Variants in CNOT4 observed in about 807,000 individuals in gnomAD.
CNOT4 encodes CCR4-associated factor 4.
A neutral mutation model predicts 73.8 loss-of-function variants in CNOT4; 8 were observed. The ratio of observed to expected loss-of-function variants is 0.11; its 90% CI spans 0.06 to 0.20. The LOEUF (loss-of-function observed/expected upper bound fraction) is 0.20. Ranked by LOEUF, CNOT4 falls within the 10% of genes least tolerant of loss-of-function variation. The pLI is 1.00. For missense variants in CNOT4, 564 were observed against 883.4 expected (o/e 0.64, Z 4.58); for synonymous variants, 293 against 321.1 (o/e 0.91, Z 0.94).
At chr7:135,391,519 A>AT (rs1796400664) in intron 10 of CNOT4, among the ~76,000 whole-genome samples, 1 of 151,916 alleles carries the variant, frequency 6.6e-6, no homozygotes, top group South Asian at 2.1e-4. Context: ...TGGTGACTAC[A>AT]TTTTTAGCAT....
intron 10 of CNOT4, chr7:135,386,965 G>T: frequency 4.3e-6 from 2 of 468,336 alleles, no homozygotes; most frequent in Non-Finnish European, 5.6e-6. Context: ...GCAATGAAAG[G>T]CTAACACTGA....
intron 1 of CNOT4, among the ~76,000 whole-genome samples, chr7:135,503,664 C>T (rs888557168): frequency 2.0e-5 from 3 of 151,988 alleles, no homozygotes; most frequent in East Asian, 1.9e-4. Flanking sequence ...ATTTTCTTTA[C>T]CCAAGGAAGA....
At position 135,444,344 on chromosome 7, in the gene CNOT4, G is replaced by A. The variant is rs879095068; in HGVS notation, c.-92-5921C>T. The A allele has an allele frequency of 7.8e-6, 5 of 644,816 alleles. 1 individual carries two copies. The South Asian group carries it at 8.3e-5, about 11-fold the overall frequency. 39.9% of individuals were successfully genotyped at this position (644,816 alleles called of 1,614,324 possible). On this transcript the variant is annotated intron_variant, in intron 1 of 11. Transcript: ENST00000541284. The stretch of plus-strand genomic sequence containing the variant: ...GTTCCTAACAGTATTTTTGACAATA[G>A]CCAAAAAATGGAAAGTAATCCAAGT...
chr7:135,475,457 A>G lies in CNOT4; in HGVS notation c.-93+34432T>C, dbSNP rs1367006981. Among the ~76,000 whole-genome samples, 4 of 152,222 alleles carry G rather than the reference A, an allele frequency of 2.6e-5. No individual in the cohort carries two copies. In the East Asian group the frequency reaches 7.7e-4, roughly 29 times the overall value. On this transcript the variant is annotated intron_variant, in intron 1 of 11. Coordinates refer to ENST00000541284, the MANE Select transcript of CNOT4 (RefSeq NM_001190850.2). ...CAGTGTGCAGTGAAATGGTTAAAAA[A>G]ATTTTTAATTAAAAAAACTGAATTT...
chr7:135,478,495 G>A (rs1008981890), intron 1 of CNOT4, among the ~76,000 whole-genome samples: 2 of 152,094 alleles, frequency 1.3e-5, no homozygotes, highest in African/African-American at 2.4e-5. Context: ...TTGTGTTCAG[G>A]AGTTCAAGAC....
rs1341289987 is a variant in CNOT4 at position 135,364,669 on chromosome 7, G to A, written c.1628-603C>T. 6.6e-6 allele frequency among the ~76,000 whole-genome samples: 1 copy of A among 152,264 alleles called. No individual in the cohort carries two copies. The highest frequency in any genetic ancestry group is 1.9e-4 in the East Asian group (1 of 5,204). On this transcript the variant is annotated intron_variant, in intron 10 of 11. Transcript: ENST00000541284. The surrounding 1 kb of genome is among the most constrained non-coding windows in gnomAD (Gnocchi z 4.3). ...TTTAGTCACTAAGGCCGAGGAGGCA[G>A]GAGCTGATACCTTCTAGATGGAATA...
intron 1 of CNOT4, among the ~76,000 whole-genome samples, chr7:135,462,459 AG>A (rs939187164): frequency 6.6e-6 from 1 of 152,198 alleles, no homozygotes; most frequent in Non-Finnish European, 1.5e-5. Flanking sequence ...GGGATCCAGG[AG>A]AAAAAAAGGG....
chr7:135,485,351 T>G (rs1214553257), intron 1 of CNOT4, among the ~76,000 whole-genome samples: 1 of 152,196 alleles, frequency 6.6e-6, no homozygotes, highest in Non-Finnish European at 1.5e-5. Context: ...ATTACAGGCT[T>G]GAGCCACCAC....
At chr7:135,422,759 A>G (rs1472185072) in intron 2 of CNOT4, among the ~76,000 whole-genome samples, 1 of 152,142 alleles carries the variant, frequency 6.6e-6, no homozygotes, top group African/African-American at 2.4e-5. Context: ...TTTAATGAAA[A>G]CCTACTATGT....
intron 10 of CNOT4, among the ~76,000 whole-genome samples, chr7:135,371,052 C>G (rs1307453528): frequency 6.6e-6 from 1 of 152,192 alleles, no homozygotes; most frequent in Non-Finnish European, 1.5e-5. Context: ...TTTTCTACTT[C>G]AGCCACTATT....
intron 2 of CNOT4, among the ~76,000 whole-genome samples, chr7:135,426,870 T>G (rs1454540117): frequency 7.0e-6 from 1 of 143,270 alleles, no homozygotes; most frequent in African/African-American, 2.6e-5. Flanking sequence ...TTGCAGTGAG[T>G]GGAGATCACG....
intron 10 of CNOT4, among the ~76,000 whole-genome samples, chr7:135,365,310 C>T (rs971088267): frequency 1.3e-5 from 2 of 151,270 alleles, no homozygotes; most frequent in African/African-American, 2.4e-5. Flanking sequence ...CTAGGCTACA[C>T]AAAACAAGAC....
At position 135,422,367 on chromosome 7, in the gene CNOT4, A is replaced by T; in HGVS notation, c.175-14T>A. On this transcript the variant is annotated splice_polypyrimidine_tract_variant and intron_variant, in intron 2 of 11. Coordinates refer to ENST00000541284, the MANE Select transcript of CNOT4 (RefSeq NM_001190850.2). ...TTCTGGATATGGCTTTAAGCATGAA[A>T]CAAACATAGACGTTAGCATTAAATT... 8.4e-7 allele frequency: 1 copy of T among 1,196,056 alleles called. No individual in the cohort carries two copies. Among genetic ancestry groups the T allele is most frequent in the Non-Finnish European group, 1.2e-6 (1 of 803,620 alleles). 74.1% of individuals were successfully genotyped at this position (1,196,056 alleles called of 1,614,324 possible).
At chr7:135,417,403 A>T (rs2129484311) in intron 3 of CNOT4, among the ~76,000 whole-genome samples, 1 of 152,336 alleles carries the variant, frequency 6.6e-6, no homozygotes, top group East Asian at 1.9e-4. Flanking sequence ...CCTTGTTTAT[A>T]TATACTTTTT....
At chr7:135,365,373 A>G (rs1794856709) in intron 10 of CNOT4, among the ~76,000 whole-genome samples, 1 of 151,766 alleles carries the variant, frequency 6.6e-6, no homozygotes, top group South Asian at 2.1e-4. Flanking sequence ...TAATTGATGT[A>G]ATTTACTAAA....
At chr7:135,489,727 C>T (rs149755284) in intron 1 of CNOT4, among the ~76,000 whole-genome samples, 112 of 152,178 alleles carry the variant, frequency 7.4e-4, no homozygotes, top group Non-Finnish European at 1.4e-3. Context: ...TCAGTAGTCC[C>T]ATATGGCTAG....
intron 1 of CNOT4, among the ~76,000 whole-genome samples, chr7:135,506,899 C>G (rs944254888): frequency 6.6e-6 from 1 of 151,402 alleles, no homozygotes; most frequent in African/African-American, 2.4e-5. Flanking sequence ...TAATATTTTT[C>G]TCATACAAAA....
At chr7:135,452,841 G>A (rs1800260919) in intron 1 of CNOT4, among the ~76,000 whole-genome samples, 1 of 152,154 alleles carries the variant, frequency 6.6e-6, no homozygotes, top group African/African-American at 2.4e-5. Context: ...GAGGCCAGGA[G>A]TTTATAAAAT....
intron 1 of CNOT4, among the ~76,000 whole-genome samples, chr7:135,496,705 C>T (rs1231510438): frequency 6.6e-6 from 1 of 152,072 alleles, no homozygotes; most frequent in Admixed American, 6.5e-5. Flanking sequence ...CCAAACTTTT[C>T]CATCTTCCTT....
Sources: allele counts gnomAD v4.1 joint callset (sites outside exome capture counted in the v4.1 genomes callset), GRCh38; gene constraint gnomAD v4.1.1; non-coding constraint Gnocchi (gnomAD v3.1); transcripts MANE v1.5; gene names NCBI Gene and HGNC (gene_info 2026-07-23, HGNC 2026-07-21).